The following MAGI2 variants were observed in gnomAD, a reference collection of about 807,000 sequenced individuals.
The protein encoded by MAGI2 is membrane associated guanylate kinase, WW and PDZ domain containing 2, also known as membrane-associated guanylate kinase, WW and PDZ domain-containing protein 2.
In MAGI2, 35 loss-of-function variants were observed where a neutral mutation model predicts 133.3. The observed-to-expected ratio is 0.26, with a 90% CI of 0.20 to 0.35. The LOEUF is 0.35. MAGI2 is among the 10% of genes least tolerant of loss of function. The probability of loss-of-function intolerance (pLI) is 1.00; values close to 1 mark genes in which losing one functional copy is unlikely to be tolerated. For missense variants in MAGI2, 1,636 were observed against 1,863.4 expected, an observed-to-expected ratio of 0.88 and a Z score of 2.25; for synonymous variants, 729 against 710.6, an observed-to-expected ratio of 1.03 and a Z score of -0.41.
chr7:78,589,023 C>T (rs769343450), intron 3 of MAGI2, among the ~76,000 whole-genome samples: 1 of 152,146 alleles, frequency 6.6e-6, no homozygotes, highest in African/African-American at 2.4e-5. Context: ...GAAGGCCACA[C>T]CAGTGATTTC....
intron 10 of MAGI2, among the ~76,000 whole-genome samples, chr7:78,231,584 A>C (rs1789978311): frequency 6.6e-6 from 1 of 152,208 alleles, no homozygotes; most frequent in South Asian, 2.1e-4. Context: ...AGGTTTTTTT[A>C]AACTGGACAA....
At chr7:79,372,543 C>A (rs1430860007) in intron 1 of MAGI2, among the ~76,000 whole-genome samples, 1 of 151,942 alleles carries the variant, frequency 6.6e-6, no homozygotes, top group African/African-American at 2.4e-5. Context: ...TACCTCATTG[C>A]CTAGAACAAA....
At chr7:79,411,124 CA>C (rs1326734924) in intron 1 of MAGI2, 10 of 152,226 alleles carry the variant, frequency 6.6e-5, no homozygotes, top group Admixed American at 4.6e-4. Context: ...AAGTTTTCAG[CA>C]GGGATGCAAT....
intron 6 of MAGI2, among the ~76,000 whole-genome samples, chr7:78,468,121 G>A (rs193017312): frequency 3.3e-5 from 5 of 152,214 alleles, no homozygotes; most frequent in Admixed American, 2.0e-4. Flanking sequence ...GCAACTTTGG[G>A]CTAGTTTACT....
At chr7:78,925,554 T>C (rs1799630857) in intron 2 of MAGI2, among the ~76,000 whole-genome samples, 1 of 152,176 alleles carries the variant, frequency 6.6e-6, no homozygotes, top group African/African-American at 2.4e-5. Flanking sequence ...ACCATATGCA[T>C]GCTAAGATAT....
In MAGI2 at chr7:79,015,658, T is replaced by C; in HGVS notation, c.302-8452A>G. On this transcript the variant is annotated intron_variant, in intron 1 of 21. Coordinates refer to ENST00000354212, the MANE Select transcript of MAGI2 (RefSeq NM_012301.4). ...TACAAGACTGATTTCAAATGCGGAA[T>C]GTGTCCCAAAGGTTTATTTTGGAAT... 1.3e-5 allele frequency among the ~76,000 whole-genome samples: 2 copies of C among 152,144 alleles called. 1 individual carries two copies.
chr7:79,018,694 T>G (rs1042628279), intron 1 of MAGI2, among the ~76,000 whole-genome samples: 1 of 152,146 alleles, frequency 6.6e-6, no homozygotes, highest in African/African-American at 2.4e-5. Context: ...AGAAAAGGGA[T>G]GGAGAAAAAT....
chr7:78,352,698 C>T (rs1791645629), intron 7 of MAGI2, among the ~76,000 whole-genome samples: 1 of 152,136 alleles, frequency 6.6e-6, no homozygotes, highest in African/African-American at 2.4e-5. Context: ...CATATTGGCA[C>T]TGAAACTCTT....
intron 10 of MAGI2, among the ~76,000 whole-genome samples, chr7:78,226,939 G>A (rs1003058809): frequency 6.6e-6 from 1 of 152,178 alleles, no homozygotes; most frequent in Non-Finnish European, 1.5e-5. Context: ...GCAGGGTTGG[G>A]ACATGCATGA....
intron 1 of MAGI2, among the ~76,000 whole-genome samples, chr7:79,340,815 T>C (rs1336629482): frequency 6.6e-6 from 1 of 152,052 alleles, no homozygotes; most frequent in East Asian, 1.9e-4. Context: ...AAATCTAGTC[T>C]TCTATCTTAA....
At chr7:78,777,610 C>G (rs2151332471) in intron 2 of MAGI2, among the ~76,000 whole-genome samples, 2 of 152,282 alleles carry the variant, frequency 1.3e-5, no homozygotes, top group Middle Eastern at 6.8e-3. Flanking sequence ...GTACCAGACA[C>G]TGTTCTAAAT....
chr7:79,168,899 T>TATATAG (rs1825228955), intron 1 of MAGI2, among the ~76,000 whole-genome samples: 2 of 8,264 alleles, frequency 2.4e-4, no homozygotes, highest in Non-Finnish European at 1.7e-3. Flanking sequence ...GATATATATA[T>TATATAG]ATATATATAT....
intron 2 of MAGI2, among the ~76,000 whole-genome samples, chr7:78,864,421 G>A (rs527231): frequency 0.64 from 97,798 of 152,052 alleles, 32,087 homozygotes; most frequent in Middle Eastern, 0.74. Flanking sequence ...TGCCAAGCTA[G>A]AATTGGCATC....
intron 9 of MAGI2, among the ~76,000 whole-genome samples, chr7:78,325,130 G>A (rs1332983090): frequency 6.6e-6 from 1 of 152,060 alleles, no homozygotes; most frequent in African/African-American, 2.4e-5. Flanking sequence ...CATGTCTGAA[G>A]CACTTTGCAT....
chr7:79,131,798 A>C (rs1270229776), intron 1 of MAGI2, among the ~76,000 whole-genome samples: 2 of 152,126 alleles, frequency 1.3e-5, no homozygotes, highest in Non-Finnish European at 2.9e-5. Context: ...TAACTGATGA[A>C]AATCTAGTTA....
chr7:79,102,196 C>T (rs183312558), intron 1 of MAGI2, among the ~76,000 whole-genome samples: 11 of 152,002 alleles, frequency 7.2e-5, no homozygotes, highest in Admixed American at 1.3e-4. Context: ...GGTATATGTG[C>T]CATGGTGGTT....
chr7:78,502,060 A>G (rs1300521494), intron 4 of MAGI2, among the ~76,000 whole-genome samples: 1 of 152,166 alleles, frequency 6.6e-6, no homozygotes, highest in Non-Finnish European at 1.5e-5. Flanking sequence ...AGGTATGGTG[A>G]GCAGAATAAT....
chr7:78,026,037 C>G (rs917054406), intron 21 of MAGI2: 1 of 152,530 alleles, frequency 6.6e-6, no homozygotes, highest in African/African-American at 2.4e-5. Flanking sequence ...AGAAGCAAGC[C>G]CCTCTCCTAA....
At chr7:78,452,672 T>C (rs1788856689) in intron 6 of MAGI2, among the ~76,000 whole-genome samples, 1 of 151,670 alleles carries the variant, frequency 6.6e-6, no homozygotes, top group Admixed American at 6.6e-5. Flanking sequence ...ACCATCCCTT[T>C]AAGAAATATA....
Sources: allele counts gnomAD v4.1 joint callset (sites outside exome capture counted in the v4.1 genomes callset), GRCh38; gene constraint gnomAD v4.1.1; transcripts MANE v1.5; gene names NCBI Gene and HGNC (gene_info 2026-07-23, HGNC 2026-07-21).